CDH17: variants seen among roughly 807,000 people sequenced by gnomAD.
CDH17 encodes the protein cadherin-17.
In CDH17, 67 loss-of-function variants were observed where a neutral mutation model predicts 86.3. The ratio of observed to expected loss-of-function variants is 0.78; its 90% CI spans 0.64 to 0.95. CDH17 has a LOEUF of 0.95. Ranked by LOEUF, CDH17 falls within the 40% of genes least tolerant of loss-of-function variation. The probability of loss-of-function intolerance (pLI) is 0.00; values close to 1 mark genes in which losing one functional copy is unlikely to be tolerated. For synonymous variants in CDH17, 367 were observed against 366.4 expected, an observed-to-expected ratio of 1.00 and a Z score of -0.02; for missense variants, 993 against 1,017.6, an observed-to-expected ratio of 0.98 and a Z score of 0.33.
chr8:94,176,658 C>A lies in CDH17; in HGVS notation c.307G>T (p.Gly103Ter). 1 of 1,613,350 alleles carries A rather than the reference C, an allele frequency of 6.2e-7. No homozygotes were observed. The highest frequency in any genetic ancestry group is 8.5e-7 in the Non-Finnish European group (1 of 1,179,616). The change falls in exon 5 of 18, where the codon GGA becomes TGA. Residue 103 changes from glycine to a stop codon, truncating the protein, a stop_gained. Transcript: ENST00000027335. LOFTEE classifies it high-confidence loss of function. The stretch of plus-strand genomic sequence containing the variant: ...GGGACTGGACCCTCCACTATAATTC[C>A]ATTAGCGTCCAGGGCTGCAACCTGA... ...NLQVAALDAN[G>*]IIVEGPVPIT...
intron 17 of CDH17, among the ~76,000 whole-genome samples, chr8:94,129,695 T>C (rs1404161397): frequency 6.6e-6 from 1 of 152,128 alleles, no homozygotes; most frequent in Non-Finnish European, 1.5e-5. Context: ...ACTATATAGG[T>C]TGAGTATCCT....
At chr8:94,189,044 T>G in intron 3 of CDH17, 143 bp downstream of exon 3, 2 of 664,414 alleles carry the variant, frequency 3.0e-6, no homozygotes, top group Non-Finnish European at 5.3e-6. Context: ...CATCTCTCTG[T>G]TTAACTTAGC....
chr8:94,135,492 T>G (rs566704137), intron 15 of CDH17, among the ~76,000 whole-genome samples: 1 of 152,370 alleles, frequency 6.6e-6, no homozygotes, highest in South Asian at 2.1e-4. Flanking sequence ...CTGCTTTTTT[T>G]GCTTTCCATT....
rs1182290882 is a variant in CDH17, at chr8:94,162,839, A to C, written c.1283-677T>G. ...TCAGCTAGATTCCAGATGTGTGTGG[A>C]GTGCAGGTGGGGACAGGATGCCTGG... On this transcript the variant is annotated intron_variant, in intron 10 of 17. Transcript: ENST00000027335. Among the ~76,000 whole-genome samples the C allele has an allele frequency of 3.9e-5, 6 of 152,330 alleles. No individual in the cohort carries two copies. The East Asian group carries it at 1.2e-3, about 29-fold the overall frequency.
intron 12 of CDH17, among the ~76,000 whole-genome samples, chr8:94,155,018 A>C (rs1812919738): frequency 6.6e-6 from 1 of 152,138 alleles, no homozygotes; most frequent in Non-Finnish European, 1.5e-5. Context: ...GCTGTGGGAC[A>C]ATTTTTCACG....
At chr8:94,212,249 A>C (rs1814134085), upstream of CDH17, among the ~76,000 whole-genome samples, 1 of 152,158 alleles carries the variant, frequency 6.6e-6, no homozygotes, top group South Asian at 2.1e-4. Context: ...TTGGCCCTTC[A>C]GGCTCAAGCC....
chr8:94,174,260 C>T lies in CDH17; in HGVS notation c.425G>A (p.Gly142Glu), dbSNP rs770487877. The T allele has an allele frequency of 1.3e-6, 2 of 1,592,794 alleles. No individual in the cohort carries two copies. Among genetic ancestry groups the T allele is most frequent in the Non-Finnish European group, 1.7e-6 (2 of 1,171,638 alleles). Residue 142 changes from glycine (G) to glutamate (E), a missense_variant and splice_region_variant, in exon 6 of 18, where the codon GGA becomes GAA. Physicochemically the swap from Gly to Glu is moderately conservative, Grantham distance 98. Transcript: ENST00000027335. ...EGSVRQNSRP[G>E]KPFLYVNATD... ...GGCATTGACATACAAGAAGGGCTTTCCTGTTTAACAAGACGTACCCAGAAA... is the reference window on the plus strand; with the variant it reads ...GGCATTGACATACAAGAAGGGCTTTTCTGTTTAACAAGACGTACCCAGAAA...
chr8:94,134,162 G>A (rs759783127), intron 15 of CDH17, among the ~76,000 whole-genome samples: 2 of 152,158 alleles, frequency 1.3e-5, no homozygotes, highest in Non-Finnish European at 2.9e-5. Flanking sequence ...GGATGAAGCT[G>A]GCCTCATAAA....
intron 15 of CDH17, among the ~76,000 whole-genome samples, chr8:94,134,662 A>G (rs1002723125): frequency 6.6e-6 from 1 of 151,532 alleles, no homozygotes; most frequent in Non-Finnish European, 1.5e-5. Context: ...CATCTCCTTC[A>G]GTTCTGTTCT....
At chr8:94,164,441 A>G (rs1230685182) in intron 10 of CDH17, among the ~76,000 whole-genome samples, 2 of 152,230 alleles carry the variant, frequency 1.3e-5, no homozygotes, top group Admixed American at 6.5e-5. Context: ...TGCTGAAAGA[A>G]TGGACTGTTG....
intron 7 of CDH17, among the ~76,000 whole-genome samples, chr8:94,171,769 G>C (rs982316442): frequency 6.6e-6 from 1 of 152,108 alleles, no homozygotes; most frequent in Non-Finnish European, 1.5e-5. Flanking sequence ...AAATTTAAGC[G>C]ACTTGCCCAA....
intron 1 of CDH17, among the ~76,000 whole-genome samples, chr8:94,195,310 A>G (rs575435990): frequency 6.6e-6 from 1 of 151,798 alleles, no homozygotes; most frequent in Non-Finnish European, 1.5e-5. Flanking sequence ...TATTCCTTTC[A>G]CTCCTATTAT....
chr8:94,134,574 T>G (rs1812484663), intron 15 of CDH17, among the ~76,000 whole-genome samples: 1 of 152,214 alleles, frequency 6.6e-6, no homozygotes, highest in South Asian at 2.1e-4. Flanking sequence ...TTGCTAGCAG[T>G]CTATCAATTT....
rs569934891 is a variant in CDH17 at position 94,200,171 on chromosome 8, G to A, written c.-20-5466C>T. Among the ~76,000 whole-genome samples the A allele has an allele frequency of 1.3e-4, 20 of 152,232 alleles. 1 individual carries two copies. In the South Asian group the frequency reaches 2.3e-3, roughly 17 times the overall value. On this transcript the variant is annotated intron_variant, in intron 1 of 17. Coordinates refer to ENST00000027335, the MANE Select transcript of CDH17 (RefSeq NM_004063.4). ...AAGAGGACTTTGGTCTCTCAAACAG[G>A]TCCCACCTACACTTCCTCCTTCCAT... is the stretch of plus-strand genomic sequence containing the variant.
At chr8:94,184,296 TATTC>T in intron 3 of CDH17, among the ~76,000 whole-genome samples, 1 of 152,208 alleles carries the variant, frequency 6.6e-6, no homozygotes, top group South Asian at 2.1e-4. Context: ...ATAGCAGCAT[TATTC>T]ATTATAGCCA....
intron 15 of CDH17, among the ~76,000 whole-genome samples, chr8:94,142,254 C>T (rs1461967992): frequency 1.3e-5 from 2 of 152,170 alleles, no homozygotes; most frequent in African/African-American, 4.8e-5. Context: ...TGAAGCAAGT[C>T]ACACAGATTT....
intron 1 of CDH17, among the ~76,000 whole-genome samples, chr8:94,195,243 T>C (rs1257746244): frequency 6.6e-6 from 1 of 152,212 alleles, no homozygotes; most frequent in African/African-American, 2.4e-5. Context: ...CTTCAGGTGA[T>C]CTGCCTGCGT....
In CDH17 at chr8:94,166,121, T is replaced by C. The variant is rs535137354; in HGVS notation, c.1067-145A>G. On this transcript the variant is annotated intron_variant, in intron 9 of 17. Transcript: ENST00000027335. Reference sequence around the variant, plus strand: ...AATGCTCTTAGAGTTATTTTGGTTCTTCTCATCCTATCATGTAATGGGTTG... The same window carrying C: ...AATGCTCTTAGAGTTATTTTGGTTCCTCTCATCCTATCATGTAATGGGTTG... 1.5e-3 allele frequency: 928 copies of C among 623,824 alleles called. 1 individual carries two copies. Among genetic ancestry groups the C allele is most frequent in the Non-Finnish European group, 2.4e-3 (832 of 353,952 alleles). 38.6% of individuals were successfully genotyped at this position (623,824 alleles called of 1,614,324 possible).
intron 1 of CDH17, among the ~76,000 whole-genome samples, chr8:94,201,080 T>C (rs1813902929): frequency 6.6e-6 from 1 of 152,158 alleles, no homozygotes; most frequent in Admixed American, 6.5e-5. Flanking sequence ...TACAGATCTT[T>C]CCAAAATGTT....
Sources: allele counts gnomAD v4.1 joint callset (sites outside exome capture counted in the v4.1 genomes callset), GRCh38; gene constraint gnomAD v4.1.1; transcripts MANE v1.5; gene names NCBI Gene and HGNC (gene_info 2026-07-23, HGNC 2026-07-21).